The following CACNA1A variants were observed in gnomAD, a reference collection of about 807,000 sequenced individuals.
CACNA1A encodes calcium voltage-gated channel subunit alpha1 A.
A neutral mutation model predicts 262.4 loss-of-function variants in CACNA1A; 57 were observed. The ratio of observed to expected loss-of-function variants is 0.22; its 90% CI spans 0.18 to 0.27. The LOEUF (loss-of-function observed/expected upper bound fraction) is 0.27, where lower values mean the gene tolerates loss of function less well. Ranked by LOEUF, CACNA1A falls within the 10% of genes least tolerant of loss-of-function variation. The probability of loss-of-function intolerance (pLI) is 1.00; values close to 1 mark genes in which losing one functional copy is unlikely to be tolerated. For synonymous variants in CACNA1A, 1,431 were observed against 1,419.3 expected (o/e 1.01, Z -0.18); for missense variants, 2,526 against 3,562.8 (o/e 0.71, Z 7.41).
chr19:13,417,728 A>G (rs2060247720), intron 3 of CACNA1A, among the ~76,000 whole-genome samples: 4 of 151,906 alleles, frequency 2.6e-5, no homozygotes, highest in Non-Finnish European at 4.4e-5. Flanking sequence ...CATCTCTACT[A>G]AAAATACAAA....
intron 3 of CACNA1A, among the ~76,000 whole-genome samples, chr19:13,379,590 C>T (rs904445442): frequency 5.9e-5 from 9 of 152,112 alleles, no homozygotes; most frequent in Non-Finnish European, 8.8e-5. Context: ...TCAGTAAAGG[C>T]ACCTGCTCTT....
chr19:13,227,021 C>T (rs562504116), intron 37 of CACNA1A: 8 of 153,450 alleles, frequency 5.2e-5, no homozygotes, highest in Admixed American at 4.6e-4. Context: ...CTCTGCAAGG[C>T]GCCTGCCCCA....
rs1156960589 is a variant in CACNA1A at position 13,236,892 on chromosome 19, C to A, written c.4951-1162G>T. On this transcript the variant is annotated intron_variant, in intron 31 of 46. Transcript: ENST00000360228. This position sits in a 1 kb window ranked among gnomAD's most constrained non-coding sequence, Gnocchi z 4.6. ...GTGGCCATTGTGGGGCTTCAAGGGA[C>A]CTTGGTGGGGGGGGTGGGACTCTCG... Among the ~76,000 whole-genome samples the A allele has an allele frequency of 6.6e-6, 1 of 152,070 alleles. No homozygotes were observed. The highest frequency in any genetic ancestry group is 2.4e-5 in the African/African-American group (1 of 41,410).
rs1223903764 is a variant in CACNA1A, at chr19:13,255,335, A to T, written c.4591-76T>A. ...CTGTACACCGGGCACCCTCTGTCTA[A>T]CTCGTCGCGGTTCTCAAGTGCTTCT... On this transcript the variant is annotated intron_variant, in intron 28 of 46. Transcript: ENST00000360228. 10 of 1,377,076 alleles carry T rather than the reference A, an allele frequency of 7.3e-6. No homozygotes were observed. In the Admixed American group the frequency reaches 2.2e-4, roughly 31 times the overall value. 85.3% of individuals were successfully genotyped at this position (1,377,076 alleles called of 1,614,324 possible).
chr19:13,259,715 T>G lies in CACNA1A; in HGVS notation c.4251-14A>C, dbSNP rs1208884672. ...AGGTATTTGCCTCTGCCACAGAGAGTGGGGACTGTTAGTAAATGGGAAAGA... is the reference window on the plus strand; with the variant it reads ...AGGTATTTGCCTCTGCCACAGAGAGGGGGGACTGTTAGTAAATGGGAAAGA... On this transcript the variant is annotated splice_polypyrimidine_tract_variant and intron_variant, in intron 26 of 46. Transcript: ENST00000360228. 1 of 1,609,498 alleles carries G rather than the reference T, an allele frequency of 6.2e-7. No homozygotes were observed. The highest frequency in any genetic ancestry group is 8.5e-7 in the Non-Finnish European group (1 of 1,178,076).
intron 3 of CACNA1A, among the ~76,000 whole-genome samples, chr19:13,440,402 G>A (rs559807510): frequency 9.2e-4 from 140 of 152,282 alleles, no homozygotes; most frequent in Non-Finnish European, 1.5e-3. Context: ...CCCTAAATTG[G>A]AAAGGGAGGT....
chr19:13,231,913 A>T (rs760589551), intron 34 of CACNA1A, 53 bp from the exon 35 acceptor site: 17 of 1,563,968 alleles, frequency 1.1e-5, no homozygotes, highest in Non-Finnish European at 1.5e-5. Context: ...ACTGGGTACC[A>T]ACGCCTCCCC....
rs751376977 is a variant in CACNA1A, at chr19:13,506,103, T to A, written c.122A>T (p.Gln41Leu). 15 of 1,612,144 alleles carry A rather than the reference T, an allele frequency of 9.3e-6. No homozygotes were observed. Among genetic ancestry groups the A allele is most frequent in the Non-Finnish European group, 1.3e-5 (15 of 1,179,298 alleles). Residue 41 changes from glutamine (Q) to leucine (L), a missense_variant, in exon 1 of 47, where the codon CAG becomes CTG. By Grantham distance (113) the Gln-to-Leu change is moderately radical (BLOSUM62 -2). Around this residue, in one of 17 missense-constraint regions of CACNA1A, gnomAD observed 65 missense variants for 75.6 expected, o/e 0.86. Transcript: ENST00000360228. Reference sequence around the variant, plus strand: ...CTTGTACATCCTTTGCGCCCCGGGCTGCCCGCCCTGCCGGCTGCCCCCGGC... The same window carrying A: ...CTTGTACATCCTTTGCGCCCCGGGCAGCCCGCCCTGCCGGCTGCCCCCGGC... ...RGAGGSRQGG[Q>L]PGAQRMYKQS...
intron 3 of CACNA1A, among the ~76,000 whole-genome samples, chr19:13,386,969 T>C (rs1315110266): frequency 6.6e-6 from 1 of 152,060 alleles, no homozygotes; most frequent in Non-Finnish European, 1.5e-5. Context: ...TCTTTTGTTT[T>C]TGAGACAAAT....
chr19:13,456,370 T>A (rs2144953517), intron 1 of CACNA1A, among the ~76,000 whole-genome samples: 1 of 152,158 alleles, frequency 6.6e-6, no homozygotes, highest in East Asian at 1.9e-4. Context: ...AAGGGTCTAG[T>A]ACTATATAAA....
intron 3 of CACNA1A, among the ~76,000 whole-genome samples, chr19:13,425,191 T>C (rs1018784045): frequency 1.3e-4 from 20 of 152,048 alleles, no homozygotes; most frequent in African/African-American, 4.6e-4. Flanking sequence ...AAATCTGAAG[T>C]CCATGTTGTT....
At position 13,444,662 on chromosome 19, in the gene CACNA1A, G is replaced by A. The variant is rs375144807; in HGVS notation, c.539+8214C>T. 2.6e-5 allele frequency among the ~76,000 whole-genome samples: 4 copies of A among 152,208 alleles called. No homozygotes were observed. The South Asian group carries it at 8.3e-4, about 32-fold the overall frequency. On this transcript the variant is annotated intron_variant, in intron 3 of 46. Coordinates refer to ENST00000360228, the MANE Select transcript of CACNA1A (RefSeq NM_001127222.2). The stretch of plus-strand genomic sequence containing the variant: ...CTGGGCTCTAGTGGCAGAACCTGAG[G>A]GGTGATATTAAACATTTATACCACT...
intron 24 of CACNA1A, among the ~76,000 whole-genome samples, chr19:13,267,474 G>A (rs1389098735): frequency 6.6e-6 from 1 of 152,168 alleles, no homozygotes; most frequent in East Asian, 1.9e-4. Context: ...CTGCAAAGCT[G>A]TCAGTTACCA....
chr19:13,485,405 T>C (rs1979852926), intron 1 of CACNA1A, among the ~76,000 whole-genome samples: 1 of 152,154 alleles, frequency 6.6e-6, no homozygotes, highest in African/African-American at 2.4e-5. Flanking sequence ...AATTAAGAAC[T>C]GTTGGTGATC....
At chr19:13,302,667 T>C (rs1393261864) in intron 17 of CACNA1A, among the ~76,000 whole-genome samples, 1 of 152,234 alleles carries the variant, frequency 6.6e-6, no homozygotes, top group Non-Finnish European at 1.5e-5. Context: ...CTCTTGGAAC[T>C]TGGATGAGCT....
chr19:13,428,509 C>A (rs1403587709), intron 3 of CACNA1A, among the ~76,000 whole-genome samples: 2 of 152,130 alleles, frequency 1.3e-5, no homozygotes, highest in Non-Finnish European at 2.9e-5. Flanking sequence ...TAACAAAAAC[C>A]ATGACTACCA....
Position 13,207,907 on chromosome 19 carries a change from C to A in CACNA1A, c.6927G>T (p.Ser2309=), listed in dbSNP as rs2054627303. The part of the protein sequence containing the change: ...YSPVIRKAGG[S]GPPQQQQQQQ... ...GCTGCTGCTGCTGCTGCGGGGGCCCCGAGCCGCCGGCCTTACGGATCACAG... is the reference window on the plus strand; with the variant it reads ...GCTGCTGCTGCTGCTGCGGGGGCCCAGAGCCGCCGGCCTTACGGATCACAG... Residue 2309 remains serine (S), a synonymous_variant, in exon 47 of 47, where the codon TCG becomes TCT. Coordinates refer to ENST00000360228, the MANE Select transcript of CACNA1A (RefSeq NM_001127222.2). The surrounding 1 kb of genome is among the most constrained non-coding windows in gnomAD (Gnocchi z 5.7). 1.4e-6 allele frequency: 2 copies of A among 1,461,558 alleles called. No homozygotes were observed. Among genetic ancestry groups the A allele is most frequent in the African/African-American group, 1.5e-5 (1 of 66,686 alleles). The allele number at this position is 1,461,558 out of a possible 1,614,324, so 90.5% of individuals were successfully genotyped here.
intron 6 of CACNA1A, among the ~76,000 whole-genome samples, chr19:13,354,627 G>A (rs538322796): frequency 3.3e-5 from 5 of 152,284 alleles, no homozygotes; most frequent in African/African-American, 1.2e-4. Context: ...CATGCAAGTC[G>A]TTTTATTTAG....
intron 3 of CACNA1A, among the ~76,000 whole-genome samples, chr19:13,387,224 G>A (rs1028817278): frequency 3.3e-5 from 5 of 152,152 alleles, no homozygotes; most frequent in African/African-American, 1.2e-4. Context: ...CCAAAGTGCT[G>A]GGATTACAGG....
Sources: gnomAD v4.1 joint callset for allele counts (sites outside exome capture counted in the v4.1 genomes callset) on GRCh38, gnomAD v4.1.1 for gene constraint, gnomAD v4.1.1 regional missense constraint, Gnocchi (gnomAD v3.1) non-coding constraint, MANE v1.5 for transcripts, NCBI Gene and HGNC (gene_info 2026-07-23, HGNC 2026-07-21) for gene names.